Variants in PHF14 observed in about 807,000 individuals in gnomAD.
The protein encoded by PHF14 is PHD finger protein 14.
PHF14 carries 55 observed loss-of-function variants against 117.9 expected under a neutral mutation model. That is an observed-to-expected ratio of 0.47 (90% CI 0.38 to 0.58). The LOEUF is 0.58. Among genes scored for constraint, PHF14 ranks in the 20% least tolerant of loss-of-function variants. PHF14 has a pLI of 0.00. For synonymous variants in PHF14, 409 were observed against 368.6 expected (o/e 1.11, Z -1.26); for missense variants, 978 against 1,122.2 (o/e 0.87, Z 1.84).
chr7:11,082,287 G>A (rs377478018), intron 16 of PHF14, among the ~76,000 whole-genome samples: 1 of 152,172 alleles, frequency 6.6e-6, no homozygotes, highest in Non-Finnish European at 1.5e-5. Flanking sequence ...TATTGAGGCT[G>A]CAGTGAGCCA....
chr7:11,038,731 G>T, intron 10 of PHF14, 29 bp from the exon 11 acceptor site: 2 of 884,104 alleles, frequency 2.3e-6, no homozygotes, highest in East Asian at 5.5e-5. Flanking sequence ...ATATTTTAAT[G>T]AAGTTTACTA....
chr7:10,999,336 T>C (rs562805402), intron 4 of PHF14, among the ~76,000 whole-genome samples: 26 of 152,228 alleles, frequency 1.7e-4, no homozygotes, highest in African/African-American at 6.0e-4. Flanking sequence ...GAATATATAG[T>C]TCCTTATCTG....
intron 2 of PHF14, among the ~76,000 whole-genome samples, chr7:10,976,512 T>C (rs918898783): frequency 1.3e-5 from 2 of 152,136 alleles, no homozygotes; most frequent in Admixed American, 1.3e-4. Context: ...AAAACTTACA[T>C]TAAGTATTAC....
At chr7:11,069,680 C>CCCTT (rs201723432) in intron 16 of PHF14, among the ~76,000 whole-genome samples, 11,656 of 115,126 alleles carry the variant, frequency 0.1, 807 homozygotes, top group South Asian at 0.16. Flanking sequence ...CCCTCCCTTT[C>CCCTT]CCTTCCTTCC....
intron 17 of PHF14, among the ~76,000 whole-genome samples, chr7:11,132,304 T>A (rs1305344162): frequency 2.6e-5 from 1 of 37,768 alleles, no homozygotes; most frequent in East Asian, 6.8e-3. Context: ...TAATTGAGAT[T>A]TTTTTTTTTT....
chr7:11,110,515 T>A (rs985186353), intron 16 of PHF14: 1 of 980,724 alleles, frequency 1.0e-6, no homozygotes, highest in African/African-American at 1.8e-5. Flanking sequence ...TTTTTCTTCA[T>A]TGTCAGCAGG....
At chr7:11,000,933 A>G (rs1782848842) in intron 4 of PHF14, among the ~76,000 whole-genome samples, 1 of 151,986 alleles carries the variant, frequency 6.6e-6, no homozygotes, top group Non-Finnish European at 1.5e-5. Flanking sequence ...AAAAGTCGTT[A>G]CTATGCCTGA....
intron 17 of PHF14, among the ~76,000 whole-genome samples, chr7:11,169,097 G>T (rs1317320018): frequency 6.6e-6 from 1 of 151,756 alleles, no homozygotes; most frequent in Non-Finnish European, 1.5e-5. Flanking sequence ...TAAATTTATT[G>T]TTTTTTGTCA....
rs990388843 is a variant in PHF14, at chr7:11,130,002, CA to C, written c.2772+18543del. Among the ~76,000 whole-genome samples, 9 of 151,380 alleles carry C rather than the reference CA, an allele frequency of 5.9e-5. No homozygotes were observed. The East Asian group carries it at 1.7e-3, about 29-fold the overall frequency. ...AATTAGGATATGCTAAGTTATGCAGCAAAAAAAAGAATCCCAAATTTTTAGT... is the reference window on the plus strand; with the variant it reads ...AATTAGGATATGCTAAGTTATGCAGCAAAAAAAGAATCCCAAATTTTTAGT... On this transcript the variant is annotated intron_variant, in intron 17 of 17. Transcript: ENST00000634607. This position sits in a 1 kb window ranked among gnomAD's most constrained non-coding sequence, Gnocchi z 4.2.
At chr7:11,076,329 T>C (rs1785848061) in intron 16 of PHF14, among the ~76,000 whole-genome samples, 1 of 152,176 alleles carries the variant, frequency 6.6e-6, no homozygotes, top group Non-Finnish European at 1.5e-5. Flanking sequence ...TTTATTTTCT[T>C]TATTTTATGG....
At chr7:11,143,281 G>A (rs1006853871) in intron 17 of PHF14, among the ~76,000 whole-genome samples, 1 of 151,980 alleles carries the variant, frequency 6.6e-6, no homozygotes, top group East Asian at 1.9e-4. Flanking sequence ...CAATAACCAT[G>A]AAACATTATT....
At chr7:11,152,572 T>C (rs566073665) in intron 17 of PHF14, among the ~76,000 whole-genome samples, 51 of 152,264 alleles carry the variant, frequency 3.3e-4, no homozygotes, top group African/African-American at 1.1e-3. Flanking sequence ...CATTCATATA[T>C]CCAATAACTA....
intron 11 of PHF14, among the ~76,000 whole-genome samples, chr7:11,039,331 A>C (rs190255152): frequency 1.6e-4 from 24 of 152,088 alleles, no homozygotes; most frequent in Admixed American, 3.3e-4. Flanking sequence ...GCTGTATAAG[A>C]GATGGTTTTT....
At chr7:11,064,179 T>G (rs1404294203) in intron 16 of PHF14, among the ~76,000 whole-genome samples, 1 of 151,956 alleles carries the variant, frequency 6.6e-6, no homozygotes, top group Non-Finnish European at 1.5e-5. Context: ...TGCACTATTC[T>G]TCTTGGGTTA....
chr7:11,083,143 A>G (rs1159788052), intron 16 of PHF14, among the ~76,000 whole-genome samples: 1 of 152,204 alleles, frequency 6.6e-6, no homozygotes, highest in Non-Finnish European at 1.5e-5. Flanking sequence ...CAATGGGGAA[A>G]GGGCACAGGG....
At chr7:11,138,182 A>G (rs1463106758) in intron 17 of PHF14, among the ~76,000 whole-genome samples, 1 of 151,902 alleles carries the variant, frequency 6.6e-6, no homozygotes, top group East Asian at 1.9e-4. Context: ...CTGGGATTAC[A>G]TGTGCTCGCC....
chr7:10,993,757 C>G (rs1782539555), intron 4 of PHF14, among the ~76,000 whole-genome samples: 1 of 152,084 alleles, frequency 6.6e-6, no homozygotes, highest in African/African-American at 2.4e-5. Context: ...CCTGTAAATC[C>G]CAGCACTTTG....
At chr7:11,136,181 G>T (rs1788215337) in intron 17 of PHF14, among the ~76,000 whole-genome samples, 1 of 152,098 alleles carries the variant, frequency 6.6e-6, no homozygotes, top group African/African-American at 2.4e-5. Flanking sequence ...AAGGCTGTAA[G>T]GTCAATGTGG....
Position 11,046,161 on chromosome 7 carries a change from T to G in PHF14, c.2312+3347T>G, listed in dbSNP as rs545767786. On this transcript the variant is annotated intron_variant, in intron 13 of 17. Transcript: ENST00000634607. ...AAATGCATTTTGTCTCATTTTTAGT[T>G]TATGTTATTTTGATTTTTGTTGTTG... is the stretch of plus-strand genomic sequence containing the variant. Among the ~76,000 whole-genome samples, 3 of 152,302 alleles carry G rather than the reference T, an allele frequency of 2.0e-5. No individual in the cohort carries two copies. The East Asian group carries it at 5.8e-4, about 29-fold the overall frequency.
Sources: allele counts gnomAD v4.1 joint callset (sites outside exome capture counted in the v4.1 genomes callset), GRCh38; gene constraint gnomAD v4.1.1; non-coding constraint Gnocchi (gnomAD v3.1); transcripts MANE v1.5; gene names NCBI Gene and HGNC (gene_info 2026-07-23, HGNC 2026-07-21).